The following EGFL7 variants were observed in gnomAD, a reference collection of about 807,000 sequenced individuals.
EGFL7 encodes the protein EGF like domain multiple 7, also known as epidermal growth factor-like protein 7.
In EGFL7, 48 loss-of-function variants were observed where a neutral mutation model predicts 37.1. That is an observed-to-expected ratio of 1.29 (90% CI 1.03 to 1.65). The LOEUF is 1.65. Ranked by LOEUF, EGFL7 falls within the 40% of genes most tolerant of loss-of-function variation. The probability of loss-of-function intolerance (pLI) is 0.00; values close to 1 mark genes in which losing one functional copy is unlikely to be tolerated. For missense variants in EGFL7, 384 were observed against 378.9 expected (o/e 1.01, Z -0.11); for synonymous variants, 180 against 156.8 (o/e 1.15, Z -1.10).
At chr9:136,662,407 G>T (rs7034309), upstream of EGFL7, among the ~76,000 whole-genome samples, 688 of 152,266 alleles carry the variant, frequency 4.5e-3, 6 homozygotes, top group African/African-American at 0.016. Flanking sequence ...CCTTCCTGCC[G>T]GGCCTCGCCA....
chr9:136,670,068 C>T, intron 7 of EGFL7, 59 bp downstream of exon 7: 3 of 1,597,524 alleles, frequency 1.9e-6, no homozygotes, highest in Non-Finnish European at 2.6e-6. Flanking sequence ...CCTTGCATGT[C>T]CTGGGGTTAC....
chr9:136,659,959 G>C (rs1286163532), upstream of EGFL7, among the ~76,000 whole-genome samples: 1 of 152,124 alleles, frequency 6.6e-6, no homozygotes, highest in Non-Finnish European at 1.5e-5. Flanking sequence ...CGTGGGGCCC[G>C]GCCTGGCTTC....
In EGFL7 at chr9:136,669,678, C is replaced by CG; in HGVS notation, c.272dup (p.Trp92LeufsTer41). The CG allele has an allele frequency of 1.2e-6, 2 of 1,608,128 alleles. No homozygotes were observed. Among genetic ancestry groups the CG allele is most frequent in the Non-Finnish European group, 1.7e-6 (2 of 1,178,338 alleles). On this transcript the variant is annotated frameshift_variant, in exon 6 of 11. Transcript: ENST00000308874. LOFTEE classifies it high-confidence loss of function. ...CCAGGCCTCGCTACGCGTGCTGCCC[C>CG]GGCTGGAAGAGGACCAGCGGGCTTC...
upstream of EGFL7, chr9:136,659,311 C>G (rs1370935245): frequency 6.6e-6 from 1 of 152,316 alleles, no homozygotes. Flanking sequence ...GGTTCCACCA[C>G]ATCCGTGGCT....
At chr9:136,667,924 C>T (rs780403165) in intron 3 of EGFL7, among the ~76,000 whole-genome samples, 8 of 152,200 alleles carry the variant, frequency 5.3e-5, no homozygotes, top group African/African-American at 1.2e-4. Context: ...AACGGCCACC[C>T]GTAGCTGGAG....
chr9:136,665,540 C>G (rs1318166884), intron 3 of EGFL7, among the ~76,000 whole-genome samples: 1 of 152,190 alleles, frequency 6.6e-6, no homozygotes, highest in South Asian at 2.1e-4. Flanking sequence ...AGCGAGCGCC[C>G]TGCCGCGGGG....
In EGFL7 at chr9:136,671,813, G is replaced by A. The variant is rs551896193; in HGVS notation, c.637-113G>A. 4.1e-4 allele frequency: 550 copies of A among 1,346,976 alleles called. 1 individual carries two copies. Among genetic ancestry groups the A allele is most frequent in the African/African-American group, 3.8e-3 (256 of 68,042 alleles). The allele number at this position is 1,346,976 out of a possible 1,614,324, so 83.4% of individuals were successfully genotyped here. A position where few individuals can be genotyped will look rare whatever the true frequency, so the allele number is the denominator to read the frequency against. ...TCTAGTGGACACTTGGAGCCCTGCCGCGGAGGCGGGGGCTGGAGGCTTGTG... is the reference window on the plus strand; with the variant it reads ...TCTAGTGGACACTTGGAGCCCTGCCACGGAGGCGGGGGCTGGAGGCTTGTG... On this transcript the variant is annotated intron_variant, in intron 9 of 10. Coordinates refer to ENST00000308874, the MANE Select transcript of EGFL7 (RefSeq NM_016215.5).
chr9:136,669,614 A>G lies in EGFL7; in HGVS notation c.206A>G (p.Tyr69Cys), dbSNP rs371106886. ...HRACSTYRTI[Y>C]RTAYRRSPGL... is the part of the protein sequence containing the mutation. ...TCCCACCCACCCCACAGAACCATCT[A>G]TAGGACCGCCTACCGCCGCAGCCCT... The change falls in exon 6 of 11, where the codon TAT (tyrosine) becomes TGT (cysteine). Residue 69 changes from tyrosine (Y) to cysteine (C), a missense_variant. Transcript: ENST00000308874. 3.7e-6 allele frequency: 6 copies of G among 1,610,564 alleles called. No individual in the cohort carries two copies. The highest frequency in any genetic ancestry group is 2.2e-5 in the East Asian group (1 of 44,802).
At chr9:136,668,170 G>C (rs1845597282) in intron 3 of EGFL7, 71 bp from the exon 4 acceptor site, 1 of 879,282 alleles carries the variant, frequency 1.1e-6, no homozygotes, top group African/African-American at 1.7e-5. Flanking sequence ...GCCTCGCGGA[G>C]CAAGTGCAAA....
Position 136,671,023 on chromosome 9 carries a change from TTGGTGGGGGGGGG to T in EGFL7, c.636+10_636+22del. Reference sequence around the variant, plus strand: ...TGGACCTGCTGGAGGAGGTGAGGCATTGGTGGGGGGGGGGGGGGGCAGGCAGTCCAGGGTGGAC... The same window carrying T: ...TGGACCTGCTGGAGGAGGTGAGGCATGGGGGGCAGGCAGTCCAGGGTGGAC... On this transcript the variant is annotated intron_variant, in intron 9 of 10. Coordinates refer to ENST00000308874, the MANE Select transcript of EGFL7 (RefSeq NM_016215.5). The T allele has an allele frequency of 1.7e-6, 1 of 572,932 alleles. No individual in the cohort carries two copies. The highest frequency in any genetic ancestry group is 2.4e-6 in the Non-Finnish European group (1 of 425,358). The allele number at this position is 572,932 out of a possible 1,614,324, so 35.5% of individuals were successfully genotyped here.
At position 136,668,553 on chromosome 9, in the gene EGFL7, G is replaced by C. The variant is rs768123998; in HGVS notation, c.81-4G>C. The stretch of plus-strand genomic sequence containing the variant: ...CTGGGCTGACCCCCTCTCCACCCCC[G>C]CAGCCGTAGGGTGTGTGCTGTCCGG... On this transcript the variant is annotated splice_polypyrimidine_tract_variant and splice_region_variant and intron_variant, in intron 4 of 10. Coordinates refer to ENST00000308874, the MANE Select transcript of EGFL7 (RefSeq NM_016215.5). The C allele has an allele frequency of 1.1e-4, 174 of 1,607,608 alleles. No individual in the cohort carries two copies.
intron 6 of EGFL7, 61 bp downstream of exon 6, chr9:136,669,782 C>T: frequency 6.8e-7 from 1 of 1,462,448 alleles, no homozygotes; most frequent in Non-Finnish European, 9.3e-7. Context: ...AATCTTCCAG[C>T]AACGCTCCTG....
At position 136,672,051 on chromosome 9, in the gene EGFL7, C is replaced by T. The variant is rs45544036; in HGVS notation, c.762C>T (p.Ser254=). Residue 254 remains serine, a synonymous_variant, in exon 10 of 11, where the codon AGC becomes AGT. Transcript: ENST00000308874. ...FQQLGRIDSL[S]EQISFLEEQL... ...AGCTCGGCCGCATCGACTCCCTGAGCGAGCAGATTTCCTTCCTGGAGGAGC... is the reference window on the plus strand; with the variant it reads ...AGCTCGGCCGCATCGACTCCCTGAGTGAGCAGATTTCCTTCCTGGAGGAGC... The T allele has an allele frequency of 3.5e-3, 5,417 of 1,545,984 alleles. 40 individuals are homozygous for T. The highest frequency in any genetic ancestry group is 2.8e-3 in the Non-Finnish European group (3,175 of 1,146,972).
At chr9:136,661,016 G>T (rs1247642899), upstream of EGFL7, among the ~76,000 whole-genome samples, 1 of 152,150 alleles carries the variant, frequency 6.6e-6, no homozygotes, top group Non-Finnish European at 1.5e-5. Flanking sequence ...GGGGCAGGCC[G>T]CAGGGATGCA....
At position 136,666,456 on chromosome 9, in the gene EGFL7, C is replaced by T. The variant is rs1363056405; in HGVS notation, c.-43+1671C>T. Among the ~76,000 whole-genome samples the T allele has an allele frequency of 6.6e-6, 1 of 152,124 alleles. No homozygotes were observed. The highest frequency in any genetic ancestry group is 2.4e-5 in the African/African-American group (1 of 41,444). On this transcript the variant is annotated intron_variant, in intron 3 of 10. Coordinates refer to ENST00000308874, the MANE Select transcript of EGFL7 (RefSeq NM_016215.5). The surrounding 1 kb of genome is among the most constrained non-coding windows in gnomAD (Gnocchi z 6.8). Reference sequence around the variant, plus strand: ...GGTCCACCTGGCGCCGCCGCCCCCTCCCCGCCCGGCACCCCTGGGTCGAGG... The same window carrying T: ...GGTCCACCTGGCGCCGCCGCCCCCTTCCCGCCCGGCACCCCTGGGTCGAGG...
In EGFL7 at chr9:136,666,316, C is replaced by T. The variant is rs2119106333; in HGVS notation, c.-43+1531C>T. On this transcript the variant is annotated intron_variant, in intron 3 of 10. Coordinates refer to ENST00000308874, the MANE Select transcript of EGFL7 (RefSeq NM_016215.5). The surrounding 1 kb of genome is among the most constrained non-coding windows in gnomAD (Gnocchi z 6.8). ...GAGGGGTCCGCCAGTGCCTGCGGCG[C>T]AGCCAGGCCCCTCCCTCTGCGGACC... 6.6e-6 allele frequency among the ~76,000 whole-genome samples: 1 copy of T among 151,904 alleles called. No homozygotes were observed.
At chr9:136,671,746 G>C (rs562245682) in intron 9 of EGFL7, among the ~76,000 whole-genome samples, 180 bp from the exon 10 acceptor site, 2 of 152,292 alleles carry the variant, frequency 1.3e-5, no homozygotes, top group South Asian at 4.1e-4. Flanking sequence ...TGATGCCCCA[G>C]GCACCCACTC....
intron 8 of EGFL7, 92 bp from the exon 9 acceptor site, chr9:136,670,858 C>T: frequency 7.9e-7 from 1 of 1,265,216 alleles, no homozygotes; most frequent in Non-Finnish European, 1.1e-6. Context: ...CCTGAGTCTT[C>T]TGGCTCTGCC....
Position 136,668,683 on chromosome 9 carries a change from C to G in EGFL7, c.197+10C>G. ...CCTGCAGCACCTACCGGTGAGTGCC[C>G]CACCACACCGAGCTCACCCAGCCCC... On this transcript the variant is annotated intron_variant, in intron 5 of 10. Transcript: ENST00000308874. The G allele has an allele frequency of 1.3e-6, 2 of 1,592,486 alleles. No homozygotes were observed. The highest frequency in any genetic ancestry group is 1.7e-6 in the Non-Finnish European group (2 of 1,172,376).
Sources: gnomAD v4.1 joint callset for allele counts (sites outside exome capture counted in the v4.1 genomes callset) on GRCh38, gnomAD v4.1.1 for gene constraint, Gnocchi (gnomAD v3.1) non-coding constraint, MANE v1.5 for transcripts, NCBI Gene and HGNC (gene_info 2026-07-23, HGNC 2026-07-21) for gene names.